The following CTNNA3 variants were observed in gnomAD, a reference collection of about 807,000 sequenced individuals.
The protein encoded by CTNNA3 is catenin alpha 3.
Under a neutral mutation model 95.7 loss-of-function variants are expected in CTNNA3, and 76 were observed. The observed-to-expected ratio is 0.79, with a 90% CI of 0.66 to 0.96. The LOEUF (loss-of-function observed/expected upper bound fraction) is 0.96. CTNNA3 is among the 40% of genes least tolerant of loss of function. The pLI is 0.00. For missense variants in CTNNA3, 1,191 were observed against 1,089.8 expected, an observed-to-expected ratio of 1.09 and a Z score of -1.31; for synonymous variants, 431 against 374.4, an observed-to-expected ratio of 1.15 and a Z score of -1.74.
chr10:66,720,160 TTC>T (rs746882278), intron 9 of CTNNA3, among the ~76,000 whole-genome samples: 1 of 151,954 alleles, frequency 6.6e-6, no homozygotes, highest in Non-Finnish European at 1.5e-5. Flanking sequence ...TGGAAAGACC[TTC>T]TCTCTCGTTA....
intron 9 of CTNNA3, among the ~76,000 whole-genome samples, chr10:66,673,083 G>A (rs1219219002): frequency 1.3e-5 from 2 of 151,920 alleles, no homozygotes; most frequent in Non-Finnish European, 2.9e-5. Context: ...TGAATATAAT[G>A]GGCATTTACT....
intron 7 of CTNNA3, among the ~76,000 whole-genome samples, chr10:66,789,799 G>T (rs956903207): frequency 6.6e-6 from 1 of 152,176 alleles, no homozygotes; most frequent in Non-Finnish European, 1.5e-5. Context: ...GTGCAGAAGT[G>T]CCTGAGCACC....
chr10:66,218,104 CCT>C (rs1428086033), intron 13 of CTNNA3, among the ~76,000 whole-genome samples: 1 of 152,126 alleles, frequency 6.6e-6, no homozygotes, highest in African/African-American at 2.4e-5. Context: ...GCTGAAAGTT[CCT>C]CTTTCCTTTT....
intron 15 of CTNNA3, among the ~76,000 whole-genome samples, chr10:66,060,592 G>A (rs374796206): frequency 4.6e-5 from 7 of 152,070 alleles, no homozygotes; most frequent in African/African-American, 1.7e-4. Flanking sequence ...CCAGCAACAG[G>A]GAAAATTAAG....
chr10:67,108,413 T>C (rs978760882), intron 7 of CTNNA3, among the ~76,000 whole-genome samples: 66 of 152,292 alleles, frequency 4.3e-4, no homozygotes, highest in African/African-American at 1.6e-3. Context: ...TTGTTCAATG[T>C]GTCTTCTATA....
intron 13 of CTNNA3, among the ~76,000 whole-genome samples, chr10:66,159,369 C>A (rs187161620): frequency 6.6e-6 from 1 of 151,742 alleles, no homozygotes; most frequent in South Asian, 2.1e-4. Context: ...AATCATAAAG[C>A]GATGCTAGAT....
intron 16 of CTNNA3, among the ~76,000 whole-genome samples, chr10:65,971,879 T>A (rs939976144): frequency 3.3e-5 from 5 of 152,082 alleles, no homozygotes; most frequent in Admixed American, 6.6e-5. Context: ...GATACCAATA[T>A]CTCTGATAAA....
At chr10:66,095,042 G>A (rs530039418) in intron 14 of CTNNA3, among the ~76,000 whole-genome samples, 96 of 152,216 alleles carry the variant, frequency 6.3e-4, no homozygotes, top group African/African-American at 2.0e-3. Context: ...TGGAAACAGT[G>A]GGATCTACAG....
intron 15 of CTNNA3, among the ~76,000 whole-genome samples, chr10:66,023,752 G>A (rs2079273129): frequency 6.6e-6 from 1 of 152,094 alleles, no homozygotes; most frequent in African/African-American, 2.4e-5. Flanking sequence ...ATGGTCTACA[G>A]AAACTTTTAG....
At chr10:67,119,421 A>C (rs568862155) in intron 7 of CTNNA3, among the ~76,000 whole-genome samples, 14 of 152,000 alleles carry the variant, frequency 9.2e-5, no homozygotes, top group African/African-American at 2.9e-4. Context: ...TACACACAAA[A>C]ACTCATTAAT....
At chr10:66,919,168 A>T (rs908244488) in intron 7 of CTNNA3, among the ~76,000 whole-genome samples, 2 of 151,244 alleles carry the variant, frequency 1.3e-5, no homozygotes, top group African/African-American at 4.9e-5. Flanking sequence ...CATATGTTGA[A>T]GATTTGCTTT....
intron 1 of CTNNA3, among the ~76,000 whole-genome samples, chr10:67,752,909 C>T (rs753493582): frequency 6.6e-6 from 1 of 152,098 alleles, no homozygotes; most frequent in Non-Finnish European, 1.5e-5. Context: ...AAGTAATTTA[C>T]AGATTTAATG....
At chr10:67,107,621 T>G (rs1858713562) in intron 7 of CTNNA3, among the ~76,000 whole-genome samples, 1 of 152,244 alleles carries the variant, frequency 6.6e-6, no homozygotes, top group Admixed American at 6.5e-5. Context: ...ACCAGAATTT[T>G]TATTTCAAAG....
At chr10:67,249,029 T>C (rs781214091) in intron 5 of CTNNA3, among the ~76,000 whole-genome samples, 32 of 152,144 alleles carry the variant, frequency 2.1e-4, no homozygotes, top group Non-Finnish European at 3.7e-4. Context: ...GTGATTTTGG[T>C]TTAGATGGCA....
intron 17 of CTNNA3, among the ~76,000 whole-genome samples, chr10:65,943,528 A>G (rs550783488): frequency 6.6e-6 from 1 of 152,342 alleles, no homozygotes; most frequent in African/African-American, 2.4e-5. Context: ...TATTCGCTGC[A>G]TGCAACTAGC....
chr10:67,346,690 A>G, intron 5 of CTNNA3: 1 of 513,336 alleles, frequency 1.9e-6, no homozygotes, highest in Admixed American at 2.0e-5. Flanking sequence ...TCGTGGCGAT[A>G]GATGAGAGTT....
chr10:67,528,240 T>C (rs1356334679), intron 4 of CTNNA3, among the ~76,000 whole-genome samples: 1 of 152,232 alleles, frequency 6.6e-6, no homozygotes, highest in South Asian at 2.1e-4. Context: ...ATGGAGTTTA[T>C]GATGAGAAAT....
At chr10:66,529,093 C>T (rs1300099529) in intron 10 of CTNNA3, among the ~76,000 whole-genome samples, 1 of 151,982 alleles carries the variant, frequency 6.6e-6, no homozygotes, top group Non-Finnish European at 1.5e-5. Context: ...TTAGGCTCCA[C>T]ACAGCCTGGC....
chr10:67,016,999 T>C (rs7897274), intron 7 of CTNNA3, among the ~76,000 whole-genome samples: 137,661 of 152,142 alleles, frequency 0.9, 62,683 homozygotes, highest in Middle Eastern at 0.98. Context: ...CTTCTATATA[T>C]GAGAAGAACC....
Sources: allele counts gnomAD v4.1 joint callset (sites outside exome capture counted in the v4.1 genomes callset), GRCh38; gene constraint gnomAD v4.1.1; transcripts MANE v1.5; gene names NCBI Gene and HGNC (gene_info 2026-07-23, HGNC 2026-07-21).